The following PTPRZ1 variants were observed in gnomAD, a reference collection of about 807,000 sequenced individuals.
PTPRZ1 encodes receptor-type tyrosine-protein phosphatase zeta.
Under a neutral mutation model 214.1 loss-of-function variants are expected in PTPRZ1, and 82 were observed. The observed-to-expected ratio is 0.38, with a 90% CI of 0.32 to 0.46. The LOEUF is 0.46. Ranked by LOEUF, PTPRZ1 falls within the 20% of genes least tolerant of loss-of-function variation. The pLI is 1.00. For synonymous variants in PTPRZ1, 945 were observed against 987.9 expected, an observed-to-expected ratio of 0.96 and a Z score of 0.81; for missense variants, 2,603 against 2,748.7, an observed-to-expected ratio of 0.95 and a Z score of 1.19.
chr7:122,048,213 G>A (rs1792059390), intron 23 of PTPRZ1, among the ~76,000 whole-genome samples: 1 of 151,828 alleles, frequency 6.6e-6, no homozygotes, highest in Admixed American at 6.6e-5. Flanking sequence ...CATTTTTAAA[G>A]TTTTTAAAAT....
At chr7:122,007,083 G>A (rs972726549) in intron 11 of PTPRZ1, among the ~76,000 whole-genome samples, 1 of 152,020 alleles carries the variant, frequency 6.6e-6, no homozygotes, top group Non-Finnish European at 1.5e-5. Flanking sequence ...GGTGGAGAGA[G>A]GCTGTGGAAA....
chr7:121,886,430 A>G (rs1794399042), intron 1 of PTPRZ1, among the ~76,000 whole-genome samples: 1 of 151,150 alleles, frequency 6.6e-6, no homozygotes. Context: ...GTTCATCAAA[A>G]ACACAGCTGA....
chr7:122,058,676 A>G (rs1792459024), intron 27 of PTPRZ1, 124 bp from the exon 28 acceptor site: 2 of 683,988 alleles, frequency 2.9e-6, no homozygotes, highest in Non-Finnish European at 2.4e-6. Flanking sequence ...TGCTGCAACT[A>G]CTGCTGCTCA....
intron 2 of PTPRZ1, among the ~76,000 whole-genome samples, chr7:121,942,065 T>C (rs1011028793): frequency 3.9e-5 from 6 of 152,164 alleles, no homozygotes; most frequent in Non-Finnish European, 5.9e-5. Context: ...CAATTTCTCA[T>C]AGATGATTGC....
rs752244863 is a variant in PTPRZ1 at position 122,051,821 on chromosome 7, T to C, written c.6179-45T>C. 2.5e-5 allele frequency: 38 copies of C among 1,541,816 alleles called. No homozygotes were observed. The African/African-American group carries it at 4.6e-4, about 19-fold the overall frequency. ...TGCTGTGAGCATGAGTTGTTTTGTT[T>C]TGTTTTGTTTTGTTTTGTTTTACAA... On this transcript the variant is annotated intron_variant, in intron 24 of 29. Coordinates refer to ENST00000393386, the MANE Select transcript of PTPRZ1 (RefSeq NM_002851.3).
chr7:122,010,877 T>C lies in PTPRZ1; in HGVS notation c.1831T>C (p.Ser611Pro). 1 of 1,614,064 alleles carries C rather than the reference T, an allele frequency of 6.2e-7. No individual in the cohort carries two copies. Among genetic ancestry groups the C allele is most frequent in the Non-Finnish European group, 8.5e-7 (1 of 1,179,994 alleles). ...ENISQGYIFS[S>P]ENPETITYDV... Reference sequence around the variant, plus strand: ...CATATCCCAAGGGTATATATTTTCCTCCGAAAACCCAGAGACAATAACATA... The same window carrying C: ...CATATCCCAAGGGTATATATTTTCCCCCGAAAACCCAGAGACAATAACATA... The change falls in exon 12 of 30, where the codon TCC becomes CCC. Residue 611 changes from serine (S) to proline (P), a missense_variant. Physicochemically the swap from Ser to Pro is moderately conservative, Grantham distance 74 (BLOSUM62 -1). This residue lies in a region of PTPRZ1 where 1,913 missense variants were observed against 1,914.3 expected (regional missense o/e 1.00). Coordinates refer to ENST00000393386, the MANE Select transcript of PTPRZ1 (RefSeq NM_002851.3).
intron 2 of PTPRZ1, among the ~76,000 whole-genome samples, chr7:121,934,784 A>AT (rs568952031): frequency 7.9e-5 from 12 of 152,172 alleles, no homozygotes; most frequent in South Asian, 6.2e-4. Flanking sequence ...TCATCTGTAG[A>AT]TTTTTTTTAA....
intron 13 of PTPRZ1, among the ~76,000 whole-genome samples, chr7:122,020,518 G>T (rs1584749924): frequency 1.3e-5 from 2 of 152,192 alleles, no homozygotes; most frequent in Admixed American, 6.5e-5. Context: ...CAGGTGCAAA[G>T]ATCGGGAAGT....
chr7:121,975,136 A>T (rs1472786717), intron 4 of PTPRZ1, among the ~76,000 whole-genome samples: 2 of 152,174 alleles, frequency 1.3e-5, no homozygotes, highest in Non-Finnish European at 2.9e-5. Flanking sequence ...GCAATGAGCC[A>T]TGATCATGCC....
chr7:122,052,271 G>A (rs147822069), intron 25 of PTPRZ1, among the ~76,000 whole-genome samples: 16 of 152,258 alleles, frequency 1.1e-4, no homozygotes, highest in Admixed American at 3.3e-4. Flanking sequence ...GAGCAAACCC[G>A]GGATTCACTG....
chr7:122,039,655 G>A, intron 20 of PTPRZ1, 67 bp downstream of exon 20: 2 of 1,557,044 alleles, frequency 1.3e-6, no homozygotes, highest in Non-Finnish European at 1.7e-6. Context: ...AAGTGAATAA[G>A]CGATAGAACC....
intron 2 of PTPRZ1, among the ~76,000 whole-genome samples, chr7:121,936,780 A>T (rs939462423): frequency 1.3e-5 from 2 of 152,236 alleles, no homozygotes; most frequent in Admixed American, 1.3e-4. Flanking sequence ...TGACTTAGGC[A>T]AGAGACGTGG....
At chr7:121,994,558 A>G (rs138894387) in intron 8 of PTPRZ1, among the ~76,000 whole-genome samples, 1 of 152,300 alleles carries the variant, frequency 6.6e-6, no homozygotes, top group African/African-American at 2.4e-5. Flanking sequence ...TTCACTTTAA[A>G]TCATTCCCAT....
intron 1 of PTPRZ1, among the ~76,000 whole-genome samples, chr7:121,904,004 G>A (rs1390147058): frequency 1.0e-5 from 1 of 96,074 alleles, no homozygotes; most frequent in Non-Finnish European, 2.1e-5. Context: ...ACACACAATA[G>A]TAGGTGTTTA....
intron 1 of PTPRZ1, among the ~76,000 whole-genome samples, chr7:121,914,944 C>G (rs901570724): frequency 2.0e-5 from 3 of 152,044 alleles, no homozygotes; most frequent in Non-Finnish European, 4.4e-5. Context: ...CTAAGTTTCC[C>G]GTAAGTAATT....
chr7:121,955,754 C>G (rs1056864808), intron 2 of PTPRZ1, among the ~76,000 whole-genome samples: 2 of 152,202 alleles, frequency 1.3e-5, no homozygotes, highest in African/African-American at 4.8e-5. Context: ...CACCTTATTT[C>G]TGAGCCTTTT....
chr7:121,983,521 C>G, intron 6 of PTPRZ1, 144 bp from the exon 7 acceptor site: 1 of 799,904 alleles, frequency 1.3e-6, no homozygotes, highest in Non-Finnish European at 1.9e-6. Flanking sequence ...GCTTTATTAC[C>G]ATTTAAAAAT....
intron 8 of PTPRZ1, among the ~76,000 whole-genome samples, chr7:121,990,646 A>G (rs1394286011): frequency 6.8e-6 from 1 of 146,522 alleles, no homozygotes; most frequent in African/African-American, 2.5e-5. Flanking sequence ...CAGCCTCCCT[A>G]GTAGCTGGGA....
intron 22 of PTPRZ1, among the ~76,000 whole-genome samples, 179 bp downstream of exon 22, chr7:122,042,922 C>G (rs969862987): frequency 4.6e-5 from 7 of 152,128 alleles, no homozygotes; most frequent in Non-Finnish European, 8.8e-5. Context: ...CCAGAAGCCT[C>G]TAGAAGATTC....
Sources: gnomAD v4.1 joint callset for allele counts (sites outside exome capture counted in the v4.1 genomes callset) on GRCh38, gnomAD v4.1.1 for gene constraint, gnomAD v4.1.1 regional missense constraint, MANE v1.5 for transcripts, NCBI Gene and HGNC (gene_info 2026-07-23, HGNC 2026-07-21) for gene names.